Variants in NELL2 observed in about 807,000 individuals in gnomAD.
NELL2 encodes the protein protein kinase C-binding protein NELL2.
In NELL2, 41 loss-of-function variants were observed where a neutral mutation model predicts 109.6. The observed-to-expected ratio is 0.37, with a 90% CI of 0.29 to 0.49. NELL2 has a LOEUF of 0.49. NELL2 is among the 20% of genes least tolerant of loss of function. NELL2 has a pLI of 0.98. For missense variants in NELL2, 900 were observed against 1,008.3 expected, an observed-to-expected ratio of 0.89 and a Z score of 1.45; for synonymous variants, 355 against 344.7, an observed-to-expected ratio of 1.03 and a Z score of -0.33.
Position 44,779,966 on chromosome 12 carries a change from G to A in NELL2, c.392C>T (p.Ser131Leu), listed in dbSNP as rs776443980. 14 of 1,613,800 alleles carry A rather than the reference G, an allele frequency of 8.7e-6. No individual in the cohort carries two copies. In the East Asian group the frequency reaches 3.1e-4, roughly 36 times the overall value. The change falls in exon 4 of 20, where the codon TCA becomes TTA. Residue 131 changes from serine to leucine, a missense_variant. By Grantham distance (145) the Ser-to-Leu change is moderately radical. Transcript: ENST00000429094. ...TTCTGTGTGAGGGCGGTGACTGCCT[G>A]AGCGGTAATGCAGTCTGACTTCATT... ...HRNEVRLHYR[S>L]GSHRPHTEVF...
At chr12:44,509,049 T>C in intron 19 of NELL2, 65 bp from the exon 20 acceptor site, 1 of 1,327,544 alleles carries the variant, frequency 7.5e-7, no homozygotes, top group Non-Finnish European at 1.1e-6. Context: ...AATGATCACA[T>C]TTATTGATTG....
In NELL2 at chr12:44,538,672, A is replaced by G. The variant is rs547580537; in HGVS notation, c.1664-5951T>C. Among the ~76,000 whole-genome samples, 59 of 152,320 alleles carry G rather than the reference A, an allele frequency of 3.9e-4. 1 individual carries two copies. Among genetic ancestry groups the G allele is most frequent in the Admixed American group, 7.2e-4 (11 of 15,298 alleles). ...TCACCAGCTTATGAGACTACGTTTT[A>G]TAAAGAAAAAGGTTATAAACATTTC... On this transcript the variant is annotated intron_variant, in intron 15 of 19. Coordinates refer to ENST00000429094, the MANE Select transcript of NELL2 (RefSeq NM_001145108.2).
intron 1 of NELL2, among the ~76,000 whole-genome samples, chr12:44,885,829 T>G (rs1945464664): frequency 6.6e-6 from 1 of 151,794 alleles, no homozygotes; most frequent in African/African-American, 2.4e-5. Flanking sequence ...GCCAAAAATT[T>G]TTTTGAAAAA....
chr12:44,663,398 AAGT>A (rs764272050), intron 13 of NELL2, among the ~76,000 whole-genome samples: 6 of 152,214 alleles, frequency 3.9e-5, no homozygotes, highest in African/African-American at 7.2e-5. Context: ...TCTCCTCTTT[AAGT>A]GGTAGCATAG....
chr12:44,591,735 TA>T (rs1944759350), intron 15 of NELL2, among the ~76,000 whole-genome samples: 1 of 152,302 alleles, frequency 6.6e-6, no homozygotes, highest in South Asian at 2.1e-4. Context: ...ATTTACTGTA[TA>T]TTTTCAAATA....
chr12:44,509,914 G>A (rs926456699), intron 19 of NELL2, among the ~76,000 whole-genome samples: 8 of 152,104 alleles, frequency 5.3e-5, no homozygotes, highest in Admixed American at 3.3e-4. Flanking sequence ...CAAACGCACA[G>A]AGGAGAGTTT....
intron 9 of NELL2, among the ~76,000 whole-genome samples, chr12:44,743,554 C>T (rs1293864500): frequency 6.6e-6 from 1 of 152,130 alleles, no homozygotes; most frequent in African/African-American, 2.4e-5. Context: ...TCAGGAAACC[C>T]ATCTCACGTG....
At chr12:44,785,257 A>T (rs1942119423) in intron 3 of NELL2, among the ~76,000 whole-genome samples, 1 of 152,234 alleles carries the variant, frequency 6.6e-6, no homozygotes, top group African/African-American at 2.4e-5. Context: ...ACAGAGCCAA[A>T]TCATGAGTGA....
intron 2 of NELL2, among the ~76,000 whole-genome samples, chr12:44,839,154 T>C (rs1443144802): frequency 1.3e-5 from 2 of 152,234 alleles, no homozygotes; most frequent in Non-Finnish European, 1.5e-5. Context: ...CATTCCTGTA[T>C]ACTATCTGTG....
chr12:44,830,768 A>C (rs1943861990), intron 2 of NELL2, among the ~76,000 whole-genome samples: 1 of 151,876 alleles, frequency 6.6e-6, no homozygotes, highest in Non-Finnish European at 1.5e-5. Context: ...ATGTTGGCCC[A>C]GTCTACAAAG....
At chr12:44,643,915 A>G (rs1326994737) in intron 13 of NELL2, among the ~76,000 whole-genome samples, 1 of 152,196 alleles carries the variant, frequency 6.6e-6, no homozygotes, top group Non-Finnish European at 1.5e-5. Flanking sequence ...AACAGGAGTT[A>G]GAAACATGGG....
At chr12:44,559,172 C>T (rs1281922159) in intron 15 of NELL2, among the ~76,000 whole-genome samples, 1 of 150,786 alleles carries the variant, frequency 6.6e-6, no homozygotes, top group South Asian at 2.1e-4. Flanking sequence ...AGAGCTCCTG[C>T]AGGAAGCAGT....
intron 3 of NELL2, among the ~76,000 whole-genome samples, chr12:44,784,631 A>G (rs1488049567): frequency 3.3e-5 from 5 of 152,190 alleles, no homozygotes; most frequent in African/African-American, 1.2e-4. Context: ...AAAATCCTCA[A>G]TAAAATACTG....
intron 2 of NELL2, among the ~76,000 whole-genome samples, chr12:44,845,099 T>C (rs1944332936): frequency 6.6e-6 from 1 of 152,146 alleles, no homozygotes; most frequent in Admixed American, 6.5e-5. Flanking sequence ...CTTTATAAAC[T>C]AGAAAAATTC....
rs192160792 is a variant in NELL2 at position 44,518,006 on chromosome 12, G to T, written c.2400+1999C>A. On this transcript the variant is annotated intron_variant, in intron 19 of 19. Transcript: ENST00000429094. ...ATTTTCAAAATAACACAAAATAAAT[G>T]TAATAAAAATGAGTACTTGAGATAA... Among the ~76,000 whole-genome samples the T allele has an allele frequency of 3.7e-4, 56 of 152,218 alleles. No homozygotes were observed. In the Middle Eastern group the frequency reaches 0.01, roughly 28 times the overall value.
chr12:44,611,432 A>G (rs952002464), intron 13 of NELL2, among the ~76,000 whole-genome samples: 3 of 152,184 alleles, frequency 2.0e-5, no homozygotes, highest in African/African-American at 4.8e-5. Context: ...TGCCGTTAAC[A>G]CCTGCAGCCA....
intron 3 of NELL2, among the ~76,000 whole-genome samples, chr12:44,803,914 G>T (rs1942916315): frequency 6.6e-6 from 1 of 151,868 alleles, no homozygotes; most frequent in Non-Finnish European, 1.5e-5. Flanking sequence ...TAAATATAAT[G>T]CTCAATTCTT....
chr12:44,875,495 C>T lies in NELL2; in HGVS notation c.56-142G>A, dbSNP rs1461177239. On this transcript the variant is annotated intron_variant, in intron 1 of 19. Coordinates refer to ENST00000429094, the MANE Select transcript of NELL2 (RefSeq NM_001145108.2). Reference sequence around the variant, plus strand: ...GAGAGGCGACTGCCTCCTCCTCCGCCGAGAGCCTTACCTGAGATCAGCAGC... The same window carrying T: ...GAGAGGCGACTGCCTCCTCCTCCGCTGAGAGCCTTACCTGAGATCAGCAGC... 9.9e-6 allele frequency: 16 copies of T among 1,613,852 alleles called. No individual in the cohort carries two copies. The East Asian group carries it at 3.3e-4, about 34-fold the overall frequency.
At chr12:44,662,060 C>T (rs1182252442) in intron 13 of NELL2, among the ~76,000 whole-genome samples, 1 of 152,108 alleles carries the variant, frequency 6.6e-6, no homozygotes, top group Non-Finnish European at 1.5e-5. Context: ...AAAATAATAA[C>T]ACCTTCAATG....
Sources: gnomAD v4.1 joint callset for allele counts (sites outside exome capture counted in the v4.1 genomes callset) on GRCh38, gnomAD v4.1.1 for gene constraint, MANE v1.5 for transcripts, NCBI Gene and HGNC (gene_info 2026-07-23, HGNC 2026-07-21) for gene names.